LMBR1: variants seen among roughly 807,000 people sequenced by gnomAD.
LMBR1 encodes limb region 1 protein homolog.
In LMBR1, 52 loss-of-function variants were observed where a neutral mutation model predicts 73.9. The ratio of observed to expected loss-of-function variants is 0.70; its 90% CI spans 0.56 to 0.89. The LOEUF (loss-of-function observed/expected upper bound fraction) is 0.89, where lower values mean the gene tolerates loss of function less well. Among genes scored for constraint, LMBR1 ranks in the 40% least tolerant of loss-of-function variants. The pLI, the probability that LMBR1 is intolerant of heterozygous loss-of-function variation, is 0.00. For missense variants in LMBR1, 539 were observed against 579.8 expected (o/e 0.93, Z 0.72); for synonymous variants, 215 against 209.4 (o/e 1.03, Z -0.23).
intron 9 of LMBR1, among the ~76,000 whole-genome samples, chr7:156,734,709 G>C (rs1257630326): frequency 6.6e-6 from 1 of 152,112 alleles, no homozygotes; most frequent in South Asian, 2.1e-4. Flanking sequence ...GTTCTAATTT[G>C]ATCTATTAAT....
chr7:156,799,605 G>A (rs950861743), intron 4 of LMBR1, among the ~76,000 whole-genome samples: 4 of 152,040 alleles, frequency 2.6e-5, no homozygotes, highest in African/African-American at 4.8e-5. Flanking sequence ...GAGACACAAC[G>A]ATATTGAAAG....
At chr7:156,732,304 T>G (rs553282678) in intron 10 of LMBR1, among the ~76,000 whole-genome samples, 1 of 152,262 alleles carries the variant, frequency 6.6e-6, no homozygotes, top group South Asian at 2.1e-4. Context: ...TGACCCAGCT[T>G]ACTGTCTTGA....
At chr7:156,689,464 T>A (rs1806699597) in intron 15 of LMBR1, among the ~76,000 whole-genome samples, 1 of 152,134 alleles carries the variant, frequency 6.6e-6, no homozygotes, top group Non-Finnish European at 1.5e-5. Flanking sequence ...ACTCTAATCC[T>A]CCCTCCAATG....
intron 1 of LMBR1, among the ~76,000 whole-genome samples, chr7:156,868,638 G>T (rs887910761): frequency 2.0e-5 from 3 of 151,810 alleles, no homozygotes; most frequent in Non-Finnish European, 4.4e-5. Flanking sequence ...CCTCCAGCTT[G>T]GGCAACAGAG....
intron 15 of LMBR1, among the ~76,000 whole-genome samples, chr7:156,689,250 A>C (rs115636806): frequency 1.2e-4 from 18 of 152,316 alleles, no homozygotes; most frequent in African/African-American, 4.3e-4. Context: ...AACATTCTTC[A>C]AGGAAAAAAG....
chr7:156,739,711 C>T (rs1818541980), intron 9 of LMBR1, among the ~76,000 whole-genome samples: 1 of 152,232 alleles, frequency 6.6e-6, no homozygotes, highest in South Asian at 2.1e-4. Flanking sequence ...TCTGCAAGAA[C>T]CACAGCATTA....
At chr7:156,876,231 T>C (rs1242553570) in intron 1 of LMBR1, among the ~76,000 whole-genome samples, 1 of 152,202 alleles carries the variant, frequency 6.6e-6, no homozygotes, top group Non-Finnish European at 1.5e-5. Context: ...AGAGGGACAT[T>C]ATATAATGAT....
At chr7:156,795,887 A>T (rs1388230267) in intron 5 of LMBR1, among the ~76,000 whole-genome samples, 1 of 152,162 alleles carries the variant, frequency 6.6e-6, no homozygotes, top group Non-Finnish European at 1.5e-5. Flanking sequence ...TTAAGAATAC[A>T]TCATGATTTT....
intron 9 of LMBR1, chr7:156,736,499 T>C: frequency 2.2e-6 from 1 of 456,712 alleles, no homozygotes. Context: ...ATACGTGGGT[T>C]TGCTATCATG....
At chr7:156,853,256 TA>T (rs1318678982) in intron 1 of LMBR1, among the ~76,000 whole-genome samples, 1 of 152,154 alleles carries the variant, frequency 6.6e-6, no homozygotes, top group East Asian at 1.9e-4. Flanking sequence ...CTTCATTTTT[TA>T]TTGTAAGTTG....
intron 4 of LMBR1, among the ~76,000 whole-genome samples, chr7:156,800,032 A>C (rs1482255998): frequency 1.3e-5 from 2 of 152,250 alleles, no homozygotes; most frequent in Non-Finnish European, 2.9e-5. Context: ...ATGAGGTTTA[A>C]GGAAAGAAGC....
In LMBR1 at chr7:156,826,730, G is replaced by A. The variant is rs754031706; in HGVS notation, c.194C>T (p.Thr65Met). 1.9e-6 allele frequency: 3 copies of A among 1,609,288 alleles called. No homozygotes were observed. The highest frequency in any genetic ancestry group is 1.7e-5 in the Admixed American group (1 of 59,374). The change falls in exon 4 of 17, where the codon ACG (threonine) becomes ATG (methionine). Residue 65 changes from threonine to methionine, a missense_variant. Thr to Met is a moderately conservative substitution (Grantham distance 81). Around this residue, in one of 3 missense-constraint regions of LMBR1, gnomAD observed 454 missense variants for 473.4 expected, o/e 0.96. Transcript: ENST00000353442. Reference protein sequence around the residue: ...IVNRISLFLSTFTLAVSAGAV... With the variant: ...IVNRISLFLSMFTLAVSAGAV... ...CCCAGCTGACACTGCGAGAGTGAAC[G>A]TGCTCAAAAACAACCTGGAAGAAAG...
chr7:156,865,965 G>A (rs1288130846), intron 1 of LMBR1, among the ~76,000 whole-genome samples: 1 of 151,730 alleles, frequency 6.6e-6, no homozygotes, highest in Non-Finnish European at 1.5e-5. Flanking sequence ...AAATGTAAGA[G>A]CTAAACTTGT....
intron 1 of LMBR1, among the ~76,000 whole-genome samples, chr7:156,864,108 C>T (rs11977735): frequency 0.016 from 2,428 of 152,170 alleles, 62 homozygotes; most frequent in African/African-American, 0.055. Context: ...GAGCTGAGAT[C>T]ACGCCACTGC....
intron 15 of LMBR1, among the ~76,000 whole-genome samples, chr7:156,698,649 C>A (rs996554693): frequency 3.3e-5 from 5 of 152,300 alleles, no homozygotes; most frequent in Admixed American, 2.0e-4. Flanking sequence ...ACGGCTGGAG[C>A]AGCTGGGACA....
At chr7:156,709,895 G>GTTTTTTTTTT (rs1458429461) in intron 15 of LMBR1, among the ~76,000 whole-genome samples, 4 of 117,852 alleles carry the variant, frequency 3.4e-5, no homozygotes, top group African/African-American at 1.0e-4. Context: ...TCAGAAGGTT[G>GTTTTTTTTTT]ATTTTTTTTT....
rs185457888 is a variant in LMBR1 at position 156,772,220 on chromosome 7, G to T, written c.424-8425C>A. ...ACCTGGGAGGCAGAGGTTGCAGTGA[G>T]CCAAGATCGTACCACTGCACTCCAG... On this transcript the variant is annotated intron_variant, in intron 5 of 16. Coordinates refer to ENST00000353442, the MANE Select transcript of LMBR1 (RefSeq NM_022458.4). Among the ~76,000 whole-genome samples the T allele has an allele frequency of 4.4e-3, 669 of 152,298 alleles. 3 individuals carry two copies. Among genetic ancestry groups the T allele is most frequent in the African/African-American group, 0.015 (642 of 41,570 alleles).
In LMBR1 at chr7:156,670,445, A is replaced by G. The variant is rs1040686403; in HGVS notation, n.867-1158T>C. Among the ~76,000 whole-genome samples the G allele has an allele frequency of 2.6e-5, 4 of 152,234 alleles. No homozygotes were observed. Among genetic ancestry groups the G allele is most frequent in the African/African-American group, 9.6e-5 (4 of 41,456 alleles). On this transcript the variant is annotated intron_variant and non_coding_transcript_variant, in intron 4 of 4. Coordinates refer to the LMBR1 transcript ENST00000430825. The surrounding 1 kb of genome is among the most constrained non-coding windows in gnomAD (Gnocchi z 4.3). ...TGTCACTGTCAGAATTTGAAGAGAA[A>G]AGAGAACACGTGGGACAGAGGCAAC...
chr7:156,680,012 T>C lies in LMBR1; in HGVS notation c.*4066A>G, dbSNP rs1197249563. On this transcript the variant is annotated 3_prime_UTR_variant, in exon 17 of 17. Coordinates refer to ENST00000353442, the MANE Select transcript of LMBR1 (RefSeq NM_022458.4). ...GGATCAATCACCAAGTTTTGAAATT[T>C]TGTATATATTTGTGAGTTTTAGGAA... 6.6e-6 allele frequency: 1 copy of C among 152,234 alleles called. No homozygotes were observed. The highest frequency in any genetic ancestry group is 2.4e-5 in the African/African-American group (1 of 41,464). 9.4% of individuals were successfully genotyped at this position (152,234 alleles called of 1,614,324 possible). A position where few individuals can be genotyped will look rare whatever the true frequency, so the allele number is the denominator to read the frequency against.
Sources: gnomAD v4.1 joint callset for allele counts (sites outside exome capture counted in the v4.1 genomes callset) on GRCh38, gnomAD v4.1.1 for gene constraint, gnomAD v4.1.1 regional missense constraint, Gnocchi (gnomAD v3.1) non-coding constraint, MANE v1.5 for transcripts, NCBI Gene and HGNC (gene_info 2026-07-23, HGNC 2026-07-21) for gene names.